The following DMD variants were observed in gnomAD, a reference collection of about 807,000 sequenced individuals.
The protein encoded by DMD is mutant dystrophin.
A neutral mutation model predicts 330.1 loss-of-function variants in DMD; 63 were observed. That is an observed-to-expected ratio of 0.19 (90% CI 0.16 to 0.24). The LOEUF (loss-of-function observed/expected upper bound fraction) is 0.24. Among genes scored for constraint, DMD ranks in the 10% least tolerant of loss-of-function variants. The probability of loss-of-function intolerance (pLI) is 1.00; values close to 1 mark genes in which losing one functional copy is unlikely to be tolerated. For synonymous variants in DMD, 1,223 were observed against 959.8 expected (o/e 1.27, Z -5.07); for missense variants, 3,344 against 2,684.1 (o/e 1.25, Z -5.43).
At chrX:32,337,868 T>G (rs73619057) in intron 41 of DMD, among the ~76,000 whole-genome samples, 21,002 of 110,596 alleles carry the variant, frequency 0.19, 1,984 homozygotes, top group African/African-American at 0.35. Context: ...ATAAGCTTTT[T>G]TAATAAATGT....
intron 30 of DMD, among the ~76,000 whole-genome samples, chrX:32,398,870 C>A (rs1004010826): frequency 2.7e-5 from 3 of 111,524 alleles, no homozygotes; most frequent in African/African-American, 9.8e-5. Flanking sequence ...ACCGAAACAG[C>A]ATGGTACTGG....
In DMD at chrX:31,160,934, G is replaced by A. The variant is rs140300274; in HGVS notation, c.10553+8509C>T. On this transcript the variant is annotated intron_variant, in intron 74 of 78. Transcript: ENST00000357033. ...AGCCAATAATCACTTCAAGTGTAAC[G>A]CTGCTTAAGAGTTCAGGACCACCAC... 4.8e-3 allele frequency among the ~76,000 whole-genome samples: 533 copies of A among 111,431 alleles called. 5 individuals are homozygous for A. The highest frequency in any genetic ancestry group is 0.015 in the African/African-American group (450 of 30,656).
chrX:32,456,862 T>C (rs764771734), intron 25 of DMD, among the ~76,000 whole-genome samples: 1 of 106,680 alleles, frequency 9.4e-6, no homozygotes, highest in Non-Finnish European at 1.9e-5. Flanking sequence ...TGTTTTAACA[T>C]GTTAGATTTA....
At chrX:32,014,102 G>A (rs946902807) in intron 44 of DMD, among the ~76,000 whole-genome samples, 2 of 112,187 alleles carry the variant, frequency 1.8e-5, no homozygotes, top group African/African-American at 6.5e-5. Flanking sequence ...TACATAAGAA[G>A]CAGTTAAATA....
At chrX:31,628,216 T>C (rs2078952962) in intron 54 of DMD, among the ~76,000 whole-genome samples, 1 of 110,604 alleles carries the variant, frequency 9.0e-6, no homozygotes, top group Non-Finnish European at 1.9e-5. Flanking sequence ...GTAGTTTTTG[T>C]TGGTCAATTT....
intron 36 of DMD, among the ~76,000 whole-genome samples, chrX:32,363,898 C>T (rs1383135566): frequency 1.8e-5 from 2 of 111,605 alleles, no homozygotes; most frequent in African/African-American, 6.5e-5. Flanking sequence ...AAATTCAACT[C>T]TACCTATTTA....
chrX:32,155,973 A>AACACAC (rs60347530), intron 44 of DMD, among the ~76,000 whole-genome samples: 3,796 of 95,687 alleles, frequency 0.04, 91 homozygotes, highest in South Asian at 0.095. Context: ...TTTGTCATTC[A>AACACAC]ACACACACAC....
At chrX:33,112,612 A>G (rs1237681949) in intron 1 of DMD, among the ~76,000 whole-genome samples, 1 of 111,370 alleles carries the variant, frequency 9.0e-6, no homozygotes, top group Non-Finnish European at 1.9e-5. Flanking sequence ...ATAAAATAAT[A>G]TTTTGGTAAA....
At chrX:32,066,480 C>T (rs1227158163) in intron 44 of DMD, among the ~76,000 whole-genome samples, 1 of 111,172 alleles carries the variant, frequency 9.0e-6, no homozygotes, top group African/African-American at 3.3e-5. Flanking sequence ...ACCTGACTAC[C>T]CATGTGTACA....
intron 2 of DMD, among the ~76,000 whole-genome samples, chrX:33,011,729 A>T (rs1336531978): frequency 1.8e-5 from 2 of 111,882 alleles, no homozygotes; most frequent in African/African-American, 6.5e-5. Flanking sequence ...GTAAACATAT[A>T]TCTCTGATAG....
chrX:33,195,476 C>T (rs760349888), intron 1 of DMD, among the ~76,000 whole-genome samples: 5 of 111,588 alleles, frequency 4.5e-5, no homozygotes. Context: ...AATTTGGCAT[C>T]TCCTAAGATA....
In DMD at chrX:32,444,242, G is replaced by A. The variant is rs761211075; in HGVS notation, c.3787-2928C>T. 2.7e-5 allele frequency among the ~76,000 whole-genome samples: 3 copies of A among 109,989 alleles called. No homozygotes were observed. The South Asian group carries it at 1.1e-3, about 42-fold the overall frequency. On this transcript the variant is annotated intron_variant, in intron 27 of 78. Coordinates refer to ENST00000357033, the MANE Select transcript of DMD (RefSeq NM_004006.3). ...AGGAAACTATTGTTGGGGGATTTTG[G>A]GCTGAAAAATAAAGATCCACCCATA... is the stretch of plus-strand genomic sequence containing the variant.
At chrX:33,266,379 C>T (rs906662269) in intron 1 of DMD, among the ~76,000 whole-genome samples, 2 of 111,425 alleles carry the variant, frequency 1.8e-5, no homozygotes, top group African/African-American at 6.5e-5. Context: ...ATTATTCAAC[C>T]CCATTATGTT....
chrX:33,040,530 T>C (rs1028728032), intron 1 of DMD, among the ~76,000 whole-genome samples: 3 of 110,710 alleles, frequency 2.7e-5, no homozygotes, highest in African/African-American at 9.9e-5. Context: ...AGAAATCCCT[T>C]TAGGACCGCA....
intron 44 of DMD, among the ~76,000 whole-genome samples, chrX:32,107,140 A>T (rs747030210): frequency 9.0e-6 from 1 of 110,872 alleles, no homozygotes; most frequent in South Asian, 3.8e-4. Flanking sequence ...GTAAAGCTTC[A>T]TGAACAAATT....
chrX:33,096,148 G>A lies in DMD; in HGVS notation c.32-75948C>T, dbSNP rs777358345. ...TGCCACCACGCCCGGCTAACTTTTT[G>A]TATTTTTAGTAGAGACGGGGTTTCA... On this transcript the variant is annotated intron_variant, in intron 1 of 78. Transcript: ENST00000357033. 1.5e-4 allele frequency among the ~76,000 whole-genome samples: 16 copies of A among 108,765 alleles called. No individual in the cohort carries two copies. The East Asian group carries it at 3.5e-3, about 24-fold the overall frequency. 94.4% of individuals were successfully genotyped at this position (108,765 alleles called of 115,157 possible). A position where few individuals can be genotyped will look rare whatever the true frequency, so the allele number is the denominator to read the frequency against.
At chrX:32,533,585 A>C (rs1204800859) in intron 17 of DMD, among the ~76,000 whole-genome samples, 2 of 112,181 alleles carry the variant, frequency 1.8e-5, no homozygotes, top group Non-Finnish European at 3.8e-5. Flanking sequence ...TCTTCATGAC[A>C]GTTTATGCTG....
chrX:32,265,180 CT>C (rs778418229), intron 43 of DMD, among the ~76,000 whole-genome samples: 1 of 111,923 alleles, frequency 8.9e-6, no homozygotes, highest in Non-Finnish European at 1.9e-5. Context: ...CAGAGCCCCC[CT>C]GCTATGTGCA....
intron 60 of DMD, among the ~76,000 whole-genome samples, chrX:31,417,354 C>T (rs1191914192): frequency 2.8e-5 from 3 of 108,986 alleles, no homozygotes; most frequent in African/African-American, 6.7e-5. Flanking sequence ...TGCAGTGGCG[C>T]GATCTCGGCT....
Sources: allele counts gnomAD v4.1 joint callset (sites outside exome capture counted in the v4.1 genomes callset), GRCh38; gene constraint gnomAD v4.1.1; transcripts MANE v1.5; gene names NCBI Gene and HGNC (gene_info 2026-07-23, HGNC 2026-07-21).